Variants in NCAM1 observed in about 807,000 individuals in gnomAD.
NCAM1 encodes antigen recognized by monoclonal antibody 5.1H11.
NCAM1 carries 14 observed loss-of-function variants against 109.8 expected under a neutral mutation model. That is an observed-to-expected ratio of 0.13 (90% CI 0.08 to 0.20). The LOEUF (loss-of-function observed/expected upper bound fraction) is 0.20. NCAM1 is among the 10% of genes least tolerant of loss of function. The pLI is 1.00. For missense variants in NCAM1, 774 were observed against 1,109.9 expected, an observed-to-expected ratio of 0.70 and a Z score of 4.30; for synonymous variants, 418 against 442.9, an observed-to-expected ratio of 0.94 and a Z score of 0.70.
At chr11:113,011,331 A>G (rs1555074356) in intron 1 of NCAM1, among the ~76,000 whole-genome samples, 2 of 149,924 alleles carry the variant, frequency 1.3e-5, no homozygotes, top group African/African-American at 4.9e-5. Context: ...CATGGTGTAT[A>G]TGTGCCACAT....
chr11:113,120,431 A>G (rs1212209488), intron 1 of NCAM1, among the ~76,000 whole-genome samples: 1 of 152,200 alleles, frequency 6.6e-6, no homozygotes, highest in Admixed American at 6.5e-5. Flanking sequence ...CCTAGCCTTA[A>G]TGAAGGACCT....
chr11:112,961,812 C>T (rs1950570994), intron 1 of NCAM1, 148 bp downstream of exon 1: 9 of 645,026 alleles, frequency 1.4e-5, no homozygotes, highest in Non-Finnish European at 2.2e-5. Context: ...GCGCGTCGCC[C>T]TTGCTGCCCA....
Position 113,275,456 on chromosome 11 carries a change from C to T in NCAM1, c.*69C>T. ...AGCAGCTTCACCAGAGCATTTCCAA[C>T]ACCACAGACACACACACGCACGCAC... On this transcript the variant is annotated 3_prime_UTR_variant, in exon 20 of 20. Transcript: ENST00000316851. 1 of 1,547,926 alleles carries T rather than the reference C, an allele frequency of 6.5e-7. No individual in the cohort carries two copies. Among genetic ancestry groups the T allele is most frequent in the Non-Finnish European group, 8.8e-7 (1 of 1,139,424 alleles).
rs55807221 is a variant in NCAM1, at chr11:113,237,937, G to GAT, written c.1825+2783_1825+2784dup. Among the ~76,000 whole-genome samples the GAT allele has an allele frequency of 2.8e-4, 40 of 143,198 alleles. 3 individuals are homozygous for GAT. Among genetic ancestry groups the GAT allele is most frequent in the African/African-American group, 8.2e-4 (32 of 38,964 alleles). The allele number at this position is 143,198 out of a possible 152,430, so 93.9% of individuals were successfully genotyped here. A position where few individuals can be genotyped will look rare whatever the true frequency, so the allele number is the denominator to read the frequency against. On this transcript the variant is annotated intron_variant, in intron 14 of 19. Transcript: ENST00000316851. ...ATAGATATATAGATATAGATATATA[G>GAT]ATATATATATAGATATATAGATAGA...
At chr11:113,117,711 C>T (rs1389452567) in intron 1 of NCAM1, among the ~76,000 whole-genome samples, 2 of 151,962 alleles carry the variant, frequency 1.3e-5, no homozygotes, top group Non-Finnish European at 2.9e-5. Context: ...AATTTCATAC[C>T]ACTTATAAAT....
intron 1 of NCAM1, among the ~76,000 whole-genome samples, chr11:112,968,900 G>C (rs1284767674): frequency 6.6e-6 from 1 of 152,208 alleles, no homozygotes; most frequent in Non-Finnish European, 1.5e-5. Context: ...AAACCTTTGT[G>C]AAGTCTGGAG....
At chr11:113,011,467 G>GGT (rs10629613) in intron 1 of NCAM1, among the ~76,000 whole-genome samples, 20,562 of 151,568 alleles carry the variant, frequency 0.14, 1,719 homozygotes, top group South Asian at 0.4. Context: ...TAGTCCTTTG[G>GGT]GTATATACCC....
intron 1 of NCAM1, among the ~76,000 whole-genome samples, chr11:113,061,197 C>T (rs959243636): frequency 1.3e-5 from 2 of 152,096 alleles, no homozygotes; most frequent in East Asian, 1.9e-4. Flanking sequence ...GCTTATTTCA[C>T]TTAGCATAAT....
chr11:113,270,514 T>TTCCAAA, intron 18 of NCAM1, 119 bp downstream of exon 18: 1 of 930,116 alleles, frequency 1.1e-6, no homozygotes, highest in Non-Finnish European at 1.6e-6. Context: ...CGTTCTCCAT[T>TTCCAAA]TGGAACCCTG....
chr11:112,977,091 A>C (rs1951027580), intron 1 of NCAM1, among the ~76,000 whole-genome samples: 1 of 136,048 alleles, frequency 7.4e-6, no homozygotes, highest in Non-Finnish European at 1.6e-5. Flanking sequence ...TGTATCAGAT[A>C]AGTTTGCTTT....
In NCAM1 at chr11:113,199,829, T is replaced by TGAAAAAAAAAAAA. The variant is rs60389510; in HGVS notation, c.53-2550_53-2549insGAAAAAAAAAAAA. Among the ~76,000 whole-genome samples the TGAAAAAAAAAAAA allele has an allele frequency of 1.5e-3, 168 of 115,782 alleles. 13 individuals are homozygous for TGAAAAAAAAAAAA. The highest frequency in any genetic ancestry group is 5.5e-3 in the African/African-American group (161 of 29,356). 76.0% of individuals were successfully genotyped at this position (115,782 alleles called of 152,430 possible). On this transcript the variant is annotated intron_variant, in intron 1 of 19. Transcript: ENST00000316851. ...GCAAATAAAGTAAAAGAAACACCCT[T>TGAAAAAAAAAAAA]AAAAAAAAAAAAAAAAAAAACTTCT...
At chr11:113,145,127 G>T (rs573899227) in intron 1 of NCAM1, among the ~76,000 whole-genome samples, 1 of 152,304 alleles carries the variant, frequency 6.6e-6, no homozygotes, top group East Asian at 1.9e-4. Flanking sequence ...TCTTAGAAAA[G>T]ATTGACACTC....
At chr11:113,075,133 C>G (rs557772593) in intron 1 of NCAM1, among the ~76,000 whole-genome samples, 2 of 152,234 alleles carry the variant, frequency 1.3e-5, no homozygotes, top group Non-Finnish European at 2.9e-5. Flanking sequence ...GTGGCACAAT[C>G]ATGGCTCACT....
At chr11:112,999,178 T>G (rs578173686) in intron 1 of NCAM1, among the ~76,000 whole-genome samples, 2 of 152,224 alleles carry the variant, frequency 1.3e-5, no homozygotes, top group Admixed American at 6.5e-5. Context: ...TGATATTGTA[T>G]GTAATACTGA....
chr11:113,004,537 A>G (rs1348565702), intron 1 of NCAM1, among the ~76,000 whole-genome samples: 4 of 151,986 alleles, frequency 2.6e-5, no homozygotes, highest in Non-Finnish European at 4.4e-5. Context: ...TCATACAAGA[A>G]TTTTCACTCA....
At chr11:113,224,213 A>G (rs1944769118) in intron 9 of NCAM1, among the ~76,000 whole-genome samples, 1 of 152,206 alleles carries the variant, frequency 6.6e-6, no homozygotes, top group African/African-American at 2.4e-5. Context: ...CAGCATCTGA[A>G]AAATTGGGTC....
At chr11:113,025,121 A>G (rs1952497567) in intron 1 of NCAM1, among the ~76,000 whole-genome samples, 1 of 152,252 alleles carries the variant, frequency 6.6e-6, no homozygotes. Flanking sequence ...TTAGTATGCA[A>G]ATCACCAGAA....
intron 1 of NCAM1, among the ~76,000 whole-genome samples, chr11:113,007,663 T>A (rs548875613): frequency 1.3e-5 from 2 of 152,330 alleles, no homozygotes; most frequent in South Asian, 4.1e-4. Context: ...GTGATATAGT[T>A]GTGATTGCCT....
chr11:113,157,909 GA>G lies in NCAM1; in HGVS notation c.53-44469del, dbSNP rs145275062. The stretch of plus-strand genomic sequence containing the variant: ...TATGAAGAAAATCCAGCCTCACACA[GA>G]TATGTAGGGAGGAATATTTTAATAG... On this transcript the variant is annotated intron_variant, in intron 1 of 19. Coordinates refer to ENST00000316851, the MANE Select transcript of NCAM1 (RefSeq NM_181351.5). 8.1e-3 allele frequency among the ~76,000 whole-genome samples: 1,234 copies of G among 152,130 alleles called. 17 individuals carry two copies. The highest frequency in any genetic ancestry group is 0.028 in the African/African-American group (1,174 of 41,512).
Sources: gnomAD v4.1 joint callset for allele counts (sites outside exome capture counted in the v4.1 genomes callset) on GRCh38, gnomAD v4.1.1 for gene constraint, MANE v1.5 for transcripts, NCBI Gene and HGNC (gene_info 2026-07-23, HGNC 2026-07-21) for gene names.